SMIM36: variants seen among roughly 807,000 people sequenced by gnomAD.
The protein encoded by SMIM36 is small integral membrane protein 36.
intron 3 of SMIM36, among the ~76,000 whole-genome samples, chr17:55,470,939 G>C (rs1352390428): frequency 6.6e-6 from 1 of 151,966 alleles, no homozygotes; most frequent in South Asian, 2.1e-4. Flanking sequence ...CATCCTACCC[G>C]TCCAGAAACT....
At chr17:55,471,904 A>G (rs1042231011) in intron 3 of SMIM36, among the ~76,000 whole-genome samples, 1 of 152,116 alleles carries the variant, frequency 6.6e-6, no homozygotes, top group African/African-American at 2.4e-5. Context: ...GGCCTTCAAA[A>G]TCACAGGCTA....
At chr17:55,499,483 T>G (rs1909870996) in intron 1 of SMIM36, among the ~76,000 whole-genome samples, 1 of 152,168 alleles carries the variant, frequency 6.6e-6, no homozygotes, top group Admixed American at 6.5e-5. Flanking sequence ...GTTTTAGATG[T>G]GACTATCTCA....
chr17:55,502,152 C>T (rs1038727808), intron 1 of SMIM36, among the ~76,000 whole-genome samples: 5 of 149,798 alleles, frequency 3.3e-5, no homozygotes, highest in Non-Finnish European at 5.9e-5. Context: ...GGGGGAGGGG[C>T]GCCCGCCATT....
At chr17:55,516,598 A>T in the SMIM36 span, among the ~76,000 whole-genome samples, 1 of 127,778 alleles carries the variant, frequency 7.8e-6, no homozygotes, top group African/African-American at 3.2e-5. Flanking sequence ...TCACTCTGTC[A>T]CCCAGGCTGG....
chr17:55,515,999 C>T (rs1910269811), upstream of SMIM36, among the ~76,000 whole-genome samples: 1 of 152,158 alleles, frequency 6.6e-6, no homozygotes, highest in South Asian at 2.1e-4. Context: ...GCTCTTTCTT[C>T]TCAGGTATGG....
chr17:55,476,266 A>C (rs1370453557), intron 3 of SMIM36, among the ~76,000 whole-genome samples: 1 of 152,078 alleles, frequency 6.6e-6, no homozygotes, highest in Non-Finnish European at 1.5e-5. Flanking sequence ...ACTTTGTGAC[A>C]TTCCTTCTCC....
At chr17:55,470,327 G>A (rs554613628) in intron 3 of SMIM36, among the ~76,000 whole-genome samples, 8 of 152,226 alleles carry the variant, frequency 5.3e-5, no homozygotes, top group Admixed American at 1.3e-4. Flanking sequence ...CTGCCTGATC[G>A]CCTTGGAAGC....
At chr17:55,465,457 G>C (rs1224297765) in intron 4 of SMIM36, among the ~76,000 whole-genome samples, 1 of 152,162 alleles carries the variant, frequency 6.6e-6, no homozygotes, top group Non-Finnish European at 1.5e-5. Flanking sequence ...GAAGACTTAG[G>C]AGTTGGGGTG....
intron 3 of SMIM36, among the ~76,000 whole-genome samples, chr17:55,470,939 G>A (rs1352390428): frequency 1.3e-5 from 2 of 151,966 alleles, no homozygotes; most frequent in Admixed American, 6.6e-5. Flanking sequence ...CATCCTACCC[G>A]TCCAGAAACT....
intron 3 of SMIM36, among the ~76,000 whole-genome samples, chr17:55,471,890 T>C (rs1300559733): frequency 6.6e-6 from 1 of 152,224 alleles, no homozygotes; most frequent in Non-Finnish European, 1.5e-5. Context: ...TTAATACTTC[T>C]AGAGGCCTTC....
intron 4 of SMIM36, among the ~76,000 whole-genome samples, chr17:55,452,758 C>T (rs1472862298): frequency 6.6e-6 from 1 of 152,130 alleles, no homozygotes; most frequent in Non-Finnish European, 1.5e-5. Flanking sequence ...TGCTGTCAGT[C>T]GTTGCTGTAT....
chr17:55,459,171 C>G (rs1909090532), intron 4 of SMIM36, among the ~76,000 whole-genome samples: 1 of 152,146 alleles, frequency 6.6e-6, no homozygotes, highest in South Asian at 2.1e-4. Context: ...AAGATGCGAG[C>G]CCCACCCCCA....
chr17:55,487,025 G>C (rs1909618755), intron 1 of SMIM36, among the ~76,000 whole-genome samples: 1 of 152,304 alleles, frequency 6.6e-6, no homozygotes, highest in African/African-American at 2.4e-5. Flanking sequence ...CTCTGGCTGC[G>C]AGTTGCTTAT....
rs1484636942 is a variant in SMIM36 at position 55,501,404 on chromosome 17, TTA to T, written c.*174+9473_*174+9474del. 5.7e-4 allele frequency among the ~76,000 whole-genome samples: 11 copies of T among 19,438 alleles called. 1 individual carries two copies. The highest frequency in any genetic ancestry group is 2.0e-3 in the Admixed American group (2 of 1,014). The allele number at this position is 19,438 out of a possible 152,430, so 12.8% of individuals were successfully genotyped here. A position where few individuals can be genotyped will look rare whatever the true frequency, so the allele number is the denominator to read the frequency against. On this transcript the variant is annotated intron_variant, in intron 1 of 4. Coordinates refer to ENST00000636752, the Ensembl canonical transcript of SMIM36. ...ATAGAATATAATATATTATATATTA[TTA>T]TATATTATAAAATATAATATATTAT...
intron 1 of SMIM36, among the ~76,000 whole-genome samples, chr17:55,504,838 T>A: frequency 1.2e-5 from 1 of 80,884 alleles, no homozygotes; most frequent in Non-Finnish European, 2.2e-5. Flanking sequence ...GCAAGACTAA[T>A]AAAGAAAAAA....
chr17:55,516,839 C>T, the SMIM36 span, among the ~76,000 whole-genome samples: 1 of 152,156 alleles, frequency 6.6e-6, no homozygotes, highest in Middle Eastern at 3.2e-3. Context: ...GGATTACAGG[C>T]ATGAGCCACT....
At chr17:55,484,737 C>T (rs1349938807) in intron 1 of SMIM36, among the ~76,000 whole-genome samples, 2 of 152,184 alleles carry the variant, frequency 1.3e-5, no homozygotes. Context: ...AGGAGTGTTA[C>T]TCATAATTGT....
chr17:55,491,557 C>G (rs4479313), intron 1 of SMIM36, among the ~76,000 whole-genome samples: 10,989 of 152,206 alleles, frequency 0.072, 468 homozygotes, highest in East Asian at 0.14. Flanking sequence ...ACCTTTCAGT[C>G]TTCCTTGTAG....
intron 4 of SMIM36, among the ~76,000 whole-genome samples, chr17:55,465,538 A>C (rs1381792671): frequency 6.6e-6 from 1 of 152,154 alleles, no homozygotes; most frequent in Admixed American, 6.5e-5. Context: ...TATTGTGCTT[A>C]TGTTGGGTAG....
Sources: allele counts gnomAD v4.1 joint callset (sites outside exome capture counted in the v4.1 genomes callset), GRCh38; gene constraint gnomAD v4.1.1; transcripts MANE v1.5; gene names NCBI Gene and HGNC (gene_info 2026-07-23, HGNC 2026-07-21).